The following MYOF variants were observed in gnomAD, a reference collection of about 807,000 sequenced individuals.
The protein encoded by MYOF is fer-1-like 3, myoferlin.
MYOF carries 244 observed loss-of-function variants against 284.2 expected under a neutral mutation model. The observed-to-expected ratio is 0.86, with a 90% confidence interval of 0.77 to 0.95. The LOEUF is 0.95. Among genes scored for constraint, MYOF ranks in the 40% least tolerant of loss-of-function variants. The pLI is 0.00. For synonymous variants in MYOF, 904 were observed against 919.7 expected, an observed-to-expected ratio of 0.98 and a Z score of 0.31; for missense variants, 2,496 against 2,560.6, an observed-to-expected ratio of 0.97 and a Z score of 0.54.
intron 2 of MYOF, 40 bp from the exon 3 acceptor site, chr10:93,452,181 G>A: frequency 7.2e-7 from 1 of 1,383,688 alleles, no homozygotes; most frequent in Non-Finnish European, 1.0e-6. Flanking sequence ...AAAAAAAAAG[G>A]CTGTTAGAAG....
intron 22 of MYOF, among the ~76,000 whole-genome samples, chr10:93,376,765 C>T (rs1043908144): frequency 2.6e-5 from 4 of 152,126 alleles, no homozygotes; most frequent in Non-Finnish European, 5.9e-5. Flanking sequence ...TGAGCTGTTT[C>T]CCCGAATCAG....
At position 93,306,560 on chromosome 10, in the gene MYOF, C is replaced by T. The variant is rs927503043; in HGVS notation, c.*403G>A. 3 of 180,074 alleles carry T rather than the reference C, an allele frequency of 1.7e-5. No homozygotes were observed. Among genetic ancestry groups the T allele is most frequent in the East Asian group, 3.4e-4 (2 of 5,912 alleles). The allele number at this position is 180,074 out of a possible 1,614,324, so 11.2% of individuals were successfully genotyped here. On this transcript the variant is annotated 3_prime_UTR_variant, in exon 54 of 54. Coordinates refer to ENST00000359263, the MANE Select transcript of MYOF (RefSeq NM_013451.4). ...AACTATTCTAACTGATTTTATAATG[C>T]ACAGCTCTTTCAGTTGATTACAAAT...
chr10:93,463,680 G>C (rs1387740144), intron 1 of MYOF, among the ~76,000 whole-genome samples: 1 of 151,734 alleles, frequency 6.6e-6, no homozygotes, highest in South Asian at 2.1e-4. Flanking sequence ...AATTACAGGC[G>C]TGAGGCACCA....
At position 93,456,804 on chromosome 10, in the gene MYOF, G is replaced by A. The variant is rs147594729; in HGVS notation, c.144+78C>T. 1.8e-4 allele frequency: 194 copies of A among 1,063,814 alleles called. No individual in the cohort carries two copies. In the African/African-American group the frequency reaches 2.2e-3, roughly 12 times the overall value. 65.9% of individuals were successfully genotyped at this position (1,063,814 alleles called of 1,614,324 possible). A position where few individuals can be genotyped will look rare whatever the true frequency, so the allele number is the denominator to read the frequency against. On this transcript the variant is annotated intron_variant, in intron 2 of 53. Transcript: ENST00000359263. Reference sequence around the variant, plus strand: ...AGAGATTCTCCTTCCGAAGGGAAGAGGTAACCTCTCACCCAAAGATAGGAC... The same window carrying A: ...AGAGATTCTCCTTCCGAAGGGAAGAAGTAACCTCTCACCCAAAGATAGGAC...
intron 2 of MYOF, among the ~76,000 whole-genome samples, chr10:93,456,675 C>T (rs1053459297): frequency 2.6e-5 from 4 of 152,166 alleles, no homozygotes; most frequent in Non-Finnish European, 4.4e-5. Context: ...TCCCTTGCCG[C>T]GCCACTGCTG....
At chr10:93,322,981 C>G in intron 48 of MYOF, 97 bp downstream of exon 48, 1 of 1,271,256 alleles carries the variant, frequency 7.9e-7, no homozygotes, top group Non-Finnish European at 1.1e-6. Context: ...CTCAAAAAAC[C>G]AAGAATCCTA....
At chr10:93,472,602 G>A (rs1384468509) in intron 1 of MYOF, among the ~76,000 whole-genome samples, 1 of 152,138 alleles carries the variant, frequency 6.6e-6, no homozygotes, top group Admixed American at 6.5e-5. Context: ...TGGCGCCATT[G>A]CACTCCAGCT....
chr10:93,409,861 T>C, intron 5 of MYOF, 122 bp from the exon 6 acceptor site: 4 of 1,208,904 alleles, frequency 3.3e-6, no homozygotes, highest in Admixed American at 4.5e-5. Flanking sequence ...AAGTGGCAGG[T>C]GAAGGAGATC....
chr10:93,393,334 G>A (rs1485934936), intron 16 of MYOF, among the ~76,000 whole-genome samples: 4 of 152,186 alleles, frequency 2.6e-5, no homozygotes, highest in African/African-American at 9.7e-5. Flanking sequence ...AGTAAATGTG[G>A]TCTGAGGCTG....
At chr10:93,419,487 A>G (rs553349238) in intron 5 of MYOF, among the ~76,000 whole-genome samples, 1 of 152,108 alleles carries the variant, frequency 6.6e-6, no homozygotes, top group Non-Finnish European at 1.5e-5. Flanking sequence ...TTAAAAAAAA[A>G]TTTTTAAACC....
At chr10:93,385,793 G>C (rs1264126964) in intron 19 of MYOF, among the ~76,000 whole-genome samples, 1 of 150,588 alleles carries the variant, frequency 6.6e-6, no homozygotes, top group African/African-American at 2.4e-5. Context: ...TCAATAAAAA[G>C]CTGTTCTTTT....
intron 35 of MYOF, 26 bp downstream of exon 35, chr10:93,351,171 T>C (rs1272797356): frequency 7.5e-6 from 12 of 1,604,200 alleles, no homozygotes; most frequent in South Asian, 6.6e-5. Flanking sequence ...TTTGATTTGA[T>C]GAGTAACACG....
At chr10:93,373,924 A>G (rs1212225082) in intron 23 of MYOF, among the ~76,000 whole-genome samples, 1 of 152,130 alleles carries the variant, frequency 6.6e-6, no homozygotes, top group Non-Finnish European at 1.5e-5. Flanking sequence ...GGTTTGTTAC[A>G]TAGGTATACA....
chr10:93,395,690 A>T (rs931623278), intron 16 of MYOF, among the ~76,000 whole-genome samples: 10 of 152,052 alleles, frequency 6.6e-5, no homozygotes, highest in African/African-American at 2.4e-4. Context: ...TACATGGTTC[A>T]TTGGCATCTG....
intron 5 of MYOF, among the ~76,000 whole-genome samples, chr10:93,413,733 A>G (rs1847999789): frequency 6.6e-6 from 1 of 152,222 alleles, no homozygotes; most frequent in Non-Finnish European, 1.5e-5. Flanking sequence ...TCACACCTCT[A>G]ATCCCAGTAC....
chr10:93,474,817 G>T (rs1020229540), intron 1 of MYOF, among the ~76,000 whole-genome samples: 1 of 151,046 alleles, frequency 6.6e-6, no homozygotes, highest in African/African-American at 2.4e-5. Flanking sequence ...CGCCATCTCA[G>T]CTCACTGCAA....
At chr10:93,389,393 T>G (rs1302345289) in intron 17 of MYOF, among the ~76,000 whole-genome samples, 3 of 152,242 alleles carry the variant, frequency 2.0e-5, no homozygotes, top group Non-Finnish European at 4.4e-5. Context: ...AAAAAGATAA[T>G]GCTATTTAAA....
At chr10:93,430,581 C>CAA (rs747001393) in intron 4 of MYOF, among the ~76,000 whole-genome samples, 79 of 86,084 alleles carry the variant, frequency 9.2e-4, no homozygotes, top group Non-Finnish European at 1.2e-3. Context: ...GACTCCATCT[C>CAA]AAAAAAAAAA....
intron 11 of MYOF, among the ~76,000 whole-genome samples, chr10:93,401,808 TGTGTGTGTGTGTGTGTGTGTGTGA>T (rs1196256069): frequency 1.3e-5 from 1 of 76,564 alleles, no homozygotes; most frequent in African/African-American, 3.5e-5. Context: ...TGTGTGTGTG[TGTGTGTGTGTGTGTGTGTGTGTGA>T]TCCTGATGTC....
Sources: gnomAD v4.1 joint callset for allele counts (sites outside exome capture counted in the v4.1 genomes callset) on GRCh38, gnomAD v4.1.1 for gene constraint, MANE v1.5 for transcripts, NCBI Gene and HGNC (gene_info 2026-07-23, HGNC 2026-07-21) for gene names.